OSBPL3: variants seen among roughly 807,000 people sequenced by gnomAD.
OSBPL3 encodes oxysterol-binding protein-related protein 3.
OSBPL3 carries 65 observed loss-of-function variants against 120.1 expected under a neutral mutation model. The observed-to-expected ratio is 0.54, with a 90% CI of 0.44 to 0.67. OSBPL3 has a LOEUF of 0.67. Ranked by LOEUF, OSBPL3 falls within the 30% of genes least tolerant of loss-of-function variation. OSBPL3 has a pLI of 0.00. For synonymous variants in OSBPL3, 416 were observed against 402.6 expected, an observed-to-expected ratio of 1.03 and a Z score of -0.40; for missense variants, 1,004 against 1,082.1, an observed-to-expected ratio of 0.93 and a Z score of 1.01.
At chr7:24,843,649 C>T (rs540618194) in intron 12 of OSBPL3, among the ~76,000 whole-genome samples, 1 of 152,262 alleles carries the variant, frequency 6.6e-6, no homozygotes, top group Non-Finnish European at 1.5e-5. Context: ...AAATAGATAT[C>T]CCTTTCCTAA....
chr7:24,865,509 C>A, intron 6 of OSBPL3, 44 bp from the exon 7 acceptor site: 1 of 1,598,870 alleles, frequency 6.3e-7, no homozygotes, highest in Non-Finnish European at 8.5e-7. Context: ...GGAAACAGAG[C>A]CCATTGGGGA....
chr7:24,892,447 C>G lies in OSBPL3; in HGVS notation c.26G>C (p.Gly9Ala). Residue 9 changes from glycine (G) to alanine (A), a missense_variant, in exon 2 of 23, where the codon GGT (glycine) becomes GCT (alanine). Gly to Ala is a moderately conservative substitution (Grantham distance 60). Transcript: ENST00000313367. Reference protein sequence around the residue: MMSDEKNLGVSQKLVSPSR... With the variant: MMSDEKNLAVSQKLVSPSR... ...AGGTGATACCAATTTTTGGGACACA[C>G]CAAGGTTCTTCTCATCACTCATCAT... The G allele has an allele frequency of 6.2e-7, 1 of 1,613,634 alleles. No individual in the cohort carries two copies. Among genetic ancestry groups the G allele is most frequent in the Non-Finnish European group, 8.5e-7 (1 of 1,179,666 alleles).
chr7:24,836,060 T>C (rs1398136373), intron 14 of OSBPL3, among the ~76,000 whole-genome samples: 1 of 152,078 alleles, frequency 6.6e-6, no homozygotes, highest in Non-Finnish European at 1.5e-5. Context: ...CATGTACCCC[T>C]GAACCTAAGA....
chr7:24,966,494 C>A lies in OSBPL3; in HGVS notation c.-150+13392G>T, dbSNP rs142688348. 1.7e-3 allele frequency among the ~76,000 whole-genome samples: 257 copies of A among 152,220 alleles called. 2 individuals carry two copies. Among genetic ancestry groups the A allele is most frequent in the African/African-American group, 5.9e-3 (244 of 41,534 alleles). On this transcript the variant is annotated intron_variant, in intron 1 of 22. Transcript: ENST00000313367. The surrounding 1 kb of genome is among the most constrained non-coding windows in gnomAD (Gnocchi z 4.8). ...AGCTGGAATGTTATTTTGCCCCACG[C>A]GATCAAAGACTAGAAAAACAGGAAT...
rs952080657 is a variant in OSBPL3 at position 24,821,061 on chromosome 7, C to T, written c.1885-823G>A. Among the ~76,000 whole-genome samples the T allele has an allele frequency of 1.3e-5, 2 of 152,142 alleles. No individual in the cohort carries two copies. The highest frequency in any genetic ancestry group is 4.8e-5 in the African/African-American group (2 of 41,424). On this transcript the variant is annotated intron_variant, in intron 16 of 22. Transcript: ENST00000313367. The surrounding 1 kb of genome is among the most constrained non-coding windows in gnomAD (Gnocchi z 5.5). ...CCTCATCTCAGTCACACTCAGGGAACGTTGAGAGGTGTATATGCTGTCATT... is the reference window on the plus strand; with the variant it reads ...CCTCATCTCAGTCACACTCAGGGAATGTTGAGAGGTGTATATGCTGTCATT...
At position 24,867,793 on chromosome 7, in the gene OSBPL3, T is replaced by G. The variant is rs1037654147; in HGVS notation, c.382-1556A>C. 6.6e-6 allele frequency among the ~76,000 whole-genome samples: 1 copy of G among 152,190 alleles called. No homozygotes were observed. Among genetic ancestry groups the G allele is most frequent in the East Asian group, 1.9e-4 (1 of 5,200 alleles). ...TTATTTAAAAAAACATTTCTCCCAC[T>G]CTCAGAAATAAAGCACTATACAGCA... On this transcript the variant is annotated intron_variant, in intron 5 of 22. Coordinates refer to ENST00000313367, the MANE Select transcript of OSBPL3 (RefSeq NM_015550.4). This position sits in a 1 kb window ranked among gnomAD's most constrained non-coding sequence, Gnocchi z 4.5.
rs567768423 is a variant in OSBPL3, at chr7:24,938,823, G to A, written c.-150+41063C>T. Among the ~76,000 whole-genome samples the A allele has an allele frequency of 6.7e-6, 1 of 149,064 alleles. No individual in the cohort carries two copies. The highest frequency in any genetic ancestry group is 2.5e-5 in the African/African-American group (1 of 40,382). On this transcript the variant is annotated intron_variant, in intron 1 of 22. Coordinates refer to ENST00000313367, the MANE Select transcript of OSBPL3 (RefSeq NM_015550.4). This position sits in a 1 kb window ranked among gnomAD's most constrained non-coding sequence, Gnocchi z 5.8. ...TGTGTGTGTGTGTGTGTGTGTGTGTGTGTGTGTGTGTTTTGAGAGCAAAAC... is the reference window on the plus strand; with the variant it reads ...TGTGTGTGTGTGTGTGTGTGTGTGTATGTGTGTGTGTTTTGAGAGCAAAAC...
chr7:24,980,375 GC>G (rs940764208), upstream of OSBPL3, among the ~76,000 whole-genome samples: 28 of 152,122 alleles, frequency 1.8e-4, no homozygotes, highest in African/African-American at 6.7e-4. Context: ...ATTCCATGAC[GC>G]GGCGGGGGAA....
chr7:24,920,552 G>A (rs577029575), intron 1 of OSBPL3, among the ~76,000 whole-genome samples: 6 of 152,306 alleles, frequency 3.9e-5, no homozygotes, highest in Admixed American at 6.5e-5. Context: ...AGATAGTGGT[G>A]ATGGTAACAT....
chr7:24,913,671 A>T lies in OSBPL3; in HGVS notation c.-149-21050T>A, dbSNP rs1407105371. 6.6e-6 allele frequency among the ~76,000 whole-genome samples: 1 copy of T among 152,168 alleles called. No homozygotes were observed. Among genetic ancestry groups the T allele is most frequent in the East Asian group, 1.9e-4 (1 of 5,178 alleles). The stretch of plus-strand genomic sequence containing the variant: ...CCTGGAAACATTCCTTTCAGCCCAG[A>T]CCTCAAAATTTCTCCCTTATCATTT... On this transcript the variant is annotated intron_variant, in intron 1 of 22. Coordinates refer to ENST00000313367, the MANE Select transcript of OSBPL3 (RefSeq NM_015550.4). The surrounding 1 kb of genome is among the most constrained non-coding windows in gnomAD (Gnocchi z 5.3).
rs1803977839 is a variant in OSBPL3, at chr7:24,883,175, AG to A, written c.96+9201del. Among the ~76,000 whole-genome samples the A allele has an allele frequency of 2.6e-5, 4 of 152,208 alleles. No homozygotes were observed. ...GCCAGGAATGTGATTCATCTGAAGT[AG>A]GAACAGAGAGGAGGTGATTTAGGGT... On this transcript the variant is annotated intron_variant, in intron 2 of 22. Transcript: ENST00000313367. This position sits in a 1 kb window ranked among gnomAD's most constrained non-coding sequence, Gnocchi z 5.4.
Position 24,849,392 on chromosome 7 carries a change from GCT to G in OSBPL3, c.1159-218_1159-217del, listed in dbSNP as rs1354956864. 8 of 358,052 alleles carry G rather than the reference GCT, an allele frequency of 2.2e-5. No homozygotes were observed. Among genetic ancestry groups the G allele is most frequent in the South Asian group, 3.8e-5 (1 of 26,554 alleles). 22.2% of individuals were successfully genotyped at this position (358,052 alleles called of 1,614,324 possible). On this transcript the variant is annotated intron_variant, in intron 11 of 22. Transcript: ENST00000313367. The surrounding 1 kb of genome is among the most constrained non-coding windows in gnomAD (Gnocchi z 5.4). ...GACAAACCTGGGCTCTGGAAATGAT[GCT>G]CTTTTTCTTTTCTCATTCCAGACAT...
Position 24,894,889 on chromosome 7 carries a change from C to T in OSBPL3, c.-149-2268G>A, listed in dbSNP as rs1249927239. 2.0e-5 allele frequency among the ~76,000 whole-genome samples: 3 copies of T among 152,180 alleles called. No individual in the cohort carries two copies. The highest frequency in any genetic ancestry group is 1.3e-4 in the Admixed American group (2 of 15,278). Reference sequence around the variant, plus strand: ...CAGAATTTCAGTTGGGAGGCAACAGCCAGGACTTAGTAGGCCAAATCCAAT... The same window carrying T: ...CAGAATTTCAGTTGGGAGGCAACAGTCAGGACTTAGTAGGCCAAATCCAAT... On this transcript the variant is annotated intron_variant, in intron 1 of 22. Coordinates refer to ENST00000313367, the MANE Select transcript of OSBPL3 (RefSeq NM_015550.4). This position sits in a 1 kb window ranked among gnomAD's most constrained non-coding sequence, Gnocchi z 4.1.
chr7:24,858,552 C>A (rs1415585823), intron 10 of OSBPL3, among the ~76,000 whole-genome samples: 2 of 152,222 alleles, frequency 1.3e-5, no homozygotes, highest in Non-Finnish European at 2.9e-5. Context: ...TGTAAAACCA[C>A]AGGAATGAAA....
Position 24,862,620 on chromosome 7 carries a change from T to C in OSBPL3, c.870+580A>G, listed in dbSNP as rs1000926007. ...AGATTTATGTTGATTCTAAAACTGT[T>C]GCAATTAATATGCAACAGTTAAGCT... On this transcript the variant is annotated intron_variant, in intron 9 of 22. Coordinates refer to ENST00000313367, the MANE Select transcript of OSBPL3 (RefSeq NM_015550.4). The surrounding 1 kb of genome is among the most constrained non-coding windows in gnomAD (Gnocchi z 4.4). 6.6e-6 allele frequency among the ~76,000 whole-genome samples: 1 copy of C among 152,186 alleles called. No individual in the cohort carries two copies. Among genetic ancestry groups the C allele is most frequent in the South Asian group, 2.1e-4 (1 of 4,832 alleles).
chr7:24,840,084 T>C (rs1185722002), intron 14 of OSBPL3, among the ~76,000 whole-genome samples: 1 of 151,038 alleles, frequency 6.6e-6, no homozygotes, highest in African/African-American at 2.4e-5. Context: ...AAAATAAAAA[T>C]TTGCATAAGC....
intron 1 of OSBPL3, among the ~76,000 whole-genome samples, chr7:24,978,261 G>A (rs1817804004): frequency 6.6e-6 from 1 of 152,194 alleles, no homozygotes; most frequent in African/African-American, 2.4e-5. Flanking sequence ...AAAGGATAAA[G>A]ATGAAAATCA....
chr7:24,951,383 C>T (rs57509322), intron 1 of OSBPL3, among the ~76,000 whole-genome samples: 29,043 of 151,928 alleles, frequency 0.19, 3,034 homozygotes, highest in African/African-American at 0.27. Context: ...CTTCATATTC[C>T]TTCTGGTAAA....
At chr7:24,976,516 G>A (rs1447872199) in intron 1 of OSBPL3, among the ~76,000 whole-genome samples, 1 of 148,156 alleles carries the variant, frequency 6.7e-6, no homozygotes, top group African/African-American at 2.5e-5. Flanking sequence ...GCCTGAAGGT[G>A]ATCTGAACAG....
Sources: allele counts gnomAD v4.1 joint callset (sites outside exome capture counted in the v4.1 genomes callset), GRCh38; gene constraint gnomAD v4.1.1; non-coding constraint Gnocchi (gnomAD v3.1); transcripts MANE v1.5; gene names NCBI Gene and HGNC (gene_info 2026-07-23, HGNC 2026-07-21).